Variants in AP4E1 observed in about 807,000 individuals in gnomAD.
AP4E1 encodes adaptor related protein complex 4 subunit epsilon 1.
Under a neutral mutation model 128.2 loss-of-function variants are expected in AP4E1, and 56 were observed. The ratio of observed to expected loss-of-function variants is 0.44; its 90% CI spans 0.35 to 0.55. AP4E1 has a LOEUF of 0.55. Among genes scored for constraint, AP4E1 ranks in the 20% least tolerant of loss-of-function variants. The pLI is 0.00. For synonymous variants in AP4E1, 484 were observed against 473.1 expected, an observed-to-expected ratio of 1.02 and a Z score of -0.30; for missense variants, 1,324 against 1,307.7, an observed-to-expected ratio of 1.01 and a Z score of -0.19.
chr15:50,926,034 T>G (rs2063765740), intron 5 of AP4E1, among the ~76,000 whole-genome samples: 1 of 152,124 alleles, frequency 6.6e-6, no homozygotes, highest in African/African-American at 2.4e-5. Flanking sequence ...CTCTTGTAAA[T>G]TTCCTTAACT....
At chr15:50,982,638 C>A (rs1043507819) in intron 15 of AP4E1, among the ~76,000 whole-genome samples, 10 of 152,158 alleles carry the variant, frequency 6.6e-5, no homozygotes, top group Admixed American at 3.3e-4. Flanking sequence ...AGTTCACATA[C>A]CTAGTTAACA....
chr15:50,950,136 C>G lies in AP4E1; in HGVS notation c.1515C>G (p.Phe505Leu). 6.2e-7 allele frequency: 1 copy of G among 1,612,434 alleles called. No individual in the cohort carries two copies. The highest frequency in any genetic ancestry group is 8.5e-7 in the Non-Finnish European group (1 of 1,178,904). Residue 505 changes from phenylalanine (F) to leucine (L), a missense_variant, in exon 13 of 21, where the codon TTC becomes TTG. Phe to Leu is a conservative substitution (Grantham distance 22, BLOSUM62 0). Transcript: ENST00000261842. ...YLTLLDMENV[F>L]YPQRFLQVMS... ...CTTTACTGGATATGGAAAATGTGTTCTATCCACAGAGATTTCTTCAAGTTA... is the reference window on the plus strand; with the variant it reads ...CTTTACTGGATATGGAAAATGTGTTGTATCCACAGAGATTTCTTCAAGTTA...
intron 15 of AP4E1, among the ~76,000 whole-genome samples, chr15:50,971,434 G>A (rs187967199): frequency 6.6e-6 from 1 of 152,060 alleles, no homozygotes; most frequent in Non-Finnish European, 1.5e-5. Flanking sequence ...GGACCTGCTT[G>A]GGGTTGAATC....
In AP4E1 at chr15:51,002,961, G is replaced by T; in HGVS notation, c.*299G>T. 3.7e-6 allele frequency: 1 copy of T among 271,758 alleles called. No homozygotes were observed. The highest frequency in any genetic ancestry group is 7.1e-6 in the Non-Finnish European group (1 of 141,086). 16.8% of individuals were successfully genotyped at this position (271,758 alleles called of 1,614,324 possible). A position where few individuals can be genotyped will look rare whatever the true frequency, so the allele number is the denominator to read the frequency against. The stretch of plus-strand genomic sequence containing the variant: ...TAGAGGGACTGAAAATATTTATTTT[G>T]TTATAAATAATTTTATAGCACGTTT... On this transcript the variant is annotated 3_prime_UTR_variant, in exon 21 of 21. Transcript: ENST00000261842.
intron 20 of AP4E1, 102 bp from the exon 21 acceptor site, chr15:51,002,400 G>A (rs1279764183): frequency 2.4e-6 from 3 of 1,243,614 alleles, no homozygotes; most frequent in Non-Finnish European, 3.5e-6. Flanking sequence ...GTGATATTGA[G>A]TATCTTTTCA....
At chr15:51,001,561 C>G (rs1433180211) in intron 20 of AP4E1, among the ~76,000 whole-genome samples, 1 of 152,184 alleles carries the variant, frequency 6.6e-6, no homozygotes, top group Non-Finnish European at 1.5e-5. Flanking sequence ...TACCTCTTGT[C>G]TCTATGAACT....
At chr15:50,972,074 C>T (rs982889910) in intron 15 of AP4E1, among the ~76,000 whole-genome samples, 1 of 152,000 alleles carries the variant, frequency 6.6e-6, no homozygotes, top group African/African-American at 2.4e-5. Context: ...AAAGTTGGCT[C>T]TTTCAATTTT....
At chr15:51,001,470 C>T (rs968382162) in intron 20 of AP4E1, among the ~76,000 whole-genome samples, 2 of 152,110 alleles carry the variant, frequency 1.3e-5, no homozygotes, top group Non-Finnish European at 2.9e-5. Flanking sequence ...ACTTTTTTAT[C>T]CTCCTCAACT....
chr15:50,935,971 A>G (rs1024596571), intron 8 of AP4E1, among the ~76,000 whole-genome samples: 4 of 152,232 alleles, frequency 2.6e-5, no homozygotes, highest in African/African-American at 9.6e-5. Flanking sequence ...TTCAGCCAGC[A>G]TTTATAGAGT....
Position 50,958,694 on chromosome 15 carries a change from C to A in AP4E1, c.1751C>A (p.Thr584Asn), listed in dbSNP as rs189242326. 6.2e-7 allele frequency: 1 copy of A among 1,614,096 alleles called. No individual in the cohort carries two copies. The highest frequency in any genetic ancestry group is 8.5e-7 in the Non-Finnish European group (1 of 1,179,984). The change falls in exon 14 of 21, where the codon ACT (threonine) becomes AAT (asparagine). Residue 584 changes from threonine (T) to asparagine (N), a missense_variant. Transcript: ENST00000261842. ...LIHEFTISLD[T>N]CMRQHAFELK... The stretch of plus-strand genomic sequence containing the variant: ...CATGAATTTACCATATCTTTGGATA[C>A]TTGTATGAGACAACATGCATTTGAA...
chr15:50,932,685 A>G (rs1002686490), intron 7 of AP4E1, among the ~76,000 whole-genome samples: 1 of 152,200 alleles, frequency 6.6e-6, no homozygotes, highest in African/African-American at 2.4e-5. Context: ...TTTTGCTTCT[A>G]GAAATCAACT....
intron 15 of AP4E1, among the ~76,000 whole-genome samples, chr15:50,979,384 G>A (rs12595034): frequency 0.48 from 72,776 of 151,768 alleles, 17,730 homozygotes; most frequent in East Asian, 0.59. Context: ...GTTGTTACAA[G>A]AGTGAGTTTG....
chr15:50,944,603 G>T (rs2064032302), intron 10 of AP4E1: 1 of 255,426 alleles, frequency 3.9e-6, no homozygotes, highest in Non-Finnish European at 7.3e-6. Context: ...AAAAAATCAG[G>T]CAGTGGACAG....
At chr15:50,912,572 C>T (rs935597159) in intron 2 of AP4E1, among the ~76,000 whole-genome samples, 2 of 152,108 alleles carry the variant, frequency 1.3e-5, no homozygotes, top group African/African-American at 4.8e-5. Flanking sequence ...AAACAATATT[C>T]AGCAACTATT....
rs191640848 is a variant in AP4E1 at position 50,993,748 on chromosome 15, A to G, written c.2346+123A>G. On this transcript the variant is annotated intron_variant, in intron 17 of 20. Transcript: ENST00000261842. The stretch of plus-strand genomic sequence containing the variant: ...GTGAAAAGTGGCTTCCCCAGTTCTT[A>G]CTCACCATCATTTCCCAGCTCCAGA... The G allele has an allele frequency of 3.7e-5, 43 of 1,155,060 alleles. No homozygotes were observed. In the African/African-American group the frequency reaches 5.7e-4, roughly 15 times the overall value. 71.6% of individuals were successfully genotyped at this position (1,155,060 alleles called of 1,614,324 possible). A position where few individuals can be genotyped will look rare whatever the true frequency, so the allele number is the denominator to read the frequency against.
At chr15:50,958,873 G>A in intron 14 of AP4E1, 79 bp downstream of exon 14, 1 of 1,417,422 alleles carries the variant, frequency 7.1e-7, no homozygotes, top group African/African-American at 1.4e-5. Flanking sequence ...GACATATCAG[G>A]AATATATCAA....
chr15:50,993,674 C>CA (rs761696477), intron 17 of AP4E1, 49 bp downstream of exon 17: 43 of 1,608,890 alleles, frequency 2.7e-5, no homozygotes, highest in African/African-American at 6.7e-5. Context: ...TCTGTCTGTA[C>CA]AAAAAAAACT....
chr15:50,989,170 A>G (rs565910484), intron 16 of AP4E1, among the ~76,000 whole-genome samples: 2 of 152,326 alleles, frequency 1.3e-5, no homozygotes, highest in South Asian at 4.1e-4. Flanking sequence ...ATGCGACAGT[A>G]AAGTAAGGAA....
chr15:50,957,675 T>C (rs1252164533), intron 13 of AP4E1, among the ~76,000 whole-genome samples: 2 of 140,230 alleles, frequency 1.4e-5, no homozygotes, highest in Non-Finnish European at 3.1e-5. Flanking sequence ...GCGTTTCTTT[T>C]TTTTTTTTTT....
Sources: gnomAD v4.1 joint callset for allele counts (sites outside exome capture counted in the v4.1 genomes callset) on GRCh38, gnomAD v4.1.1 for gene constraint, MANE v1.5 for transcripts, NCBI Gene and HGNC (gene_info 2026-07-23, HGNC 2026-07-21) for gene names.